Variants in SUGCT observed in about 807,000 individuals in gnomAD.
The protein encoded by SUGCT is succinyl-CoA:glutarate CoA-transferase.
A neutral mutation model predicts 55.0 loss-of-function variants in SUGCT; 41 were observed. That is an observed-to-expected ratio of 0.74 (90% confidence interval 0.58 to 0.97). The LOEUF is 0.97. Ranked by LOEUF, SUGCT falls within the 50% of genes least tolerant of loss-of-function variation. The pLI, the probability that SUGCT is intolerant of heterozygous loss-of-function variation, is 0.00. For missense variants in SUGCT, 568 were observed against 547.8 expected, an observed-to-expected ratio of 1.04 and a Z score of -0.37; for synonymous variants, 187 against 200.4, an observed-to-expected ratio of 0.93 and a Z score of 0.56.
chr7:40,695,368 T>C (rs1173055707), intron 12 of SUGCT, among the ~76,000 whole-genome samples: 1 of 151,810 alleles, frequency 6.6e-6, no homozygotes, highest in Non-Finnish European at 1.5e-5. Context: ...TGGCTAATTT[T>C]TGTATTTTTT....
chr7:40,537,948 A>G (rs919355705), intron 12 of SUGCT, among the ~76,000 whole-genome samples: 1 of 152,130 alleles, frequency 6.6e-6, no homozygotes, highest in Non-Finnish European at 1.5e-5. Context: ...CCTATTGCAT[A>G]TATCTGATTT....
chr7:40,189,390 TACAC>T (rs1785748997), intron 4 of SUGCT, among the ~76,000 whole-genome samples, 150 bp from the exon 5 acceptor site: 1 of 119,828 alleles, frequency 8.3e-6, no homozygotes, highest in African/African-American at 3.4e-5. Flanking sequence ...AGTATTTTAA[TACAC>T]ATACTTTTTT....
At chr7:40,759,159 C>T (rs1489695417) in intron 13 of SUGCT, among the ~76,000 whole-genome samples, 2 of 152,176 alleles carry the variant, frequency 1.3e-5, no homozygotes, top group Non-Finnish European at 2.9e-5. Flanking sequence ...CTCTTTGTTG[C>T]TGGGCCTTCA....
chr7:40,890,380 T>TATAAATA, the SUGCT span, among the ~76,000 whole-genome samples: 1 of 149,456 alleles, frequency 6.7e-6, no homozygotes, highest in African/African-American at 2.5e-5. Context: ...TATATTAATA[T>TATAAATA]TTGGGCTTTC....
intron 9 of SUGCT, among the ~76,000 whole-genome samples, chr7:40,335,753 T>C (rs1241265190): frequency 6.6e-6 from 1 of 152,196 alleles, no homozygotes; most frequent in Non-Finnish European, 1.5e-5. Flanking sequence ...TTCTCCTCCC[T>C]GATTGCCCTG....
the SUGCT span, among the ~76,000 whole-genome samples, chr7:40,976,717 A>T: frequency 6.6e-6 from 1 of 152,172 alleles, no homozygotes; most frequent in Admixed American, 6.5e-5. Flanking sequence ...GCTGTGTCTC[A>T]TGATCCCATT....
intron 9 of SUGCT, among the ~76,000 whole-genome samples, chr7:40,362,608 G>T (rs765951966): frequency 2.0e-5 from 3 of 151,698 alleles, no homozygotes; most frequent in Non-Finnish European, 4.4e-5. Context: ...CTATATAGCT[G>T]TAAGTATTAA....
At chr7:40,143,657 GTTTGT>G (rs1298940987) in intron 1 of SUGCT, among the ~76,000 whole-genome samples, 1 of 152,236 alleles carries the variant, frequency 6.6e-6, no homozygotes, top group Non-Finnish European at 1.5e-5. Flanking sequence ...AATTGCCGAA[GTTTGT>G]TTTAAGTCTT....
intron 13 of SUGCT, among the ~76,000 whole-genome samples, chr7:40,846,334 C>G (rs1032884052): frequency 1.1e-4 from 17 of 150,804 alleles, no homozygotes; most frequent in Non-Finnish European, 2.1e-4. Flanking sequence ...TTTGAGTATT[C>G]GTGAGTGTCT....
At chr7:40,787,003 A>G (rs1790047602) in intron 13 of SUGCT, among the ~76,000 whole-genome samples, 1 of 152,236 alleles carries the variant, frequency 6.6e-6, no homozygotes, top group Non-Finnish European at 1.5e-5. Flanking sequence ...ATTTTTTATT[A>G]AATTTCACAA....
At chr7:40,251,936 T>C (rs1365165062) in intron 7 of SUGCT, among the ~76,000 whole-genome samples, 1 of 141,008 alleles carries the variant, frequency 7.1e-6, no homozygotes, top group Non-Finnish European at 1.6e-5. Flanking sequence ...CTAGGAAAAA[T>C]AAAAAAAAAA....
chr7:41,036,193 C>A, the SUGCT span, among the ~76,000 whole-genome samples: 2 of 152,118 alleles, frequency 1.3e-5, no homozygotes, highest in African/African-American at 4.8e-5. Flanking sequence ...AGTGGATGAG[C>A]GAGTGCATGG....
At chr7:40,292,840 TTGAGA>T (rs1330518939) in intron 8 of SUGCT, among the ~76,000 whole-genome samples, 11 of 152,212 alleles carry the variant, frequency 7.2e-5, no homozygotes, top group Admixed American at 3.9e-4. Context: ...AGCTCTTGAC[TTGAGA>T]TATCAGCTCA....
chr7:40,861,604 C>T (rs1202471731), downstream of SUGCT, among the ~76,000 whole-genome samples: 1 of 152,186 alleles, frequency 6.6e-6, no homozygotes, highest in African/African-American at 2.4e-5. Context: ...GTTCATCTTT[C>T]AAACTGTGAT....
chr7:40,413,662 T>C (rs550772786), intron 9 of SUGCT, among the ~76,000 whole-genome samples: 7 of 152,188 alleles, frequency 4.6e-5, no homozygotes, highest in Non-Finnish European at 1.0e-4. Context: ...ATATTTATAA[T>C]GTAATTTGAT....
intron 12 of SUGCT, among the ~76,000 whole-genome samples, chr7:40,577,787 A>T (rs1194090816): frequency 6.6e-6 from 1 of 151,568 alleles, no homozygotes; most frequent in Non-Finnish European, 1.5e-5. Context: ...TTATCAAGGT[A>T]CTCTATTCTA....
the SUGCT span, among the ~76,000 whole-genome samples, chr7:40,940,251 C>G: frequency 3.3e-5 from 5 of 152,110 alleles, no homozygotes; most frequent in Non-Finnish European, 5.9e-5. Flanking sequence ...ACTTTTATAA[C>G]AGGACTATGC....
At chr7:40,198,322 A>G (rs1388267608) in intron 6 of SUGCT, among the ~76,000 whole-genome samples, 3 of 152,172 alleles carry the variant, frequency 2.0e-5, no homozygotes, top group Non-Finnish European at 4.4e-5. Flanking sequence ...TATGCTTTCC[A>G]TACTTAGACA....
intron 11 of SUGCT, among the ~76,000 whole-genome samples, chr7:40,466,813 G>T (rs1199488732): frequency 6.6e-6 from 1 of 152,202 alleles, no homozygotes. Flanking sequence ...AAGAAGATCT[G>T]AATTTGAGAT....
Sources: gnomAD v4.1 joint callset for allele counts (sites outside exome capture counted in the v4.1 genomes callset) on GRCh38, gnomAD v4.1.1 for gene constraint, MANE v1.5 for transcripts, NCBI Gene and HGNC (gene_info 2026-07-23, HGNC 2026-07-21) for gene names.